CLIC4: variants seen among roughly 807,000 people sequenced by gnomAD.
CLIC4 encodes CLIC family member 4.
In CLIC4, 13 loss-of-function variants were observed where a neutral mutation model predicts 24.6. That is an observed-to-expected ratio of 0.53 (90% CI 0.34 to 0.84). The LOEUF (loss-of-function observed/expected upper bound fraction) is 0.84, where lower values mean the gene tolerates loss of function less well. CLIC4 is among the 40% of genes least tolerant of loss of function. The pLI is 0.01. For synonymous variants in CLIC4, 104 were observed against 111.3 expected (o/e 0.93, Z 0.41); for missense variants, 227 against 301.7 (o/e 0.75, Z 1.83).
At chr1:24,820,588 C>T (rs1368203486) in intron 3 of CLIC4, among the ~76,000 whole-genome samples, 1 of 152,020 alleles carries the variant, frequency 6.6e-6, no homozygotes, top group Non-Finnish European at 1.5e-5. Flanking sequence ...AAAGTGTCAG[C>T]TCAGAGGTAG....
intron 2 of CLIC4, among the ~76,000 whole-genome samples, chr1:24,799,616 G>C (rs12732565): frequency 7.2e-6 from 1 of 138,478 alleles, no homozygotes; most frequent in African/African-American, 2.9e-5. Flanking sequence ...TCAGCCCCCC[G>C]CCCGGCCAGC....
intron 1 of CLIC4, among the ~76,000 whole-genome samples, chr1:24,797,431 C>T (rs187467791): frequency 6.0e-5 from 9 of 151,158 alleles, no homozygotes; most frequent in African/African-American, 9.7e-5. Flanking sequence ...AAAAATTAGC[C>T]GGGATGGTGG....
chr1:24,811,073 T>C (rs1421244195), intron 2 of CLIC4, among the ~76,000 whole-genome samples: 2 of 59,370 alleles, frequency 3.4e-5, no homozygotes, highest in Non-Finnish European at 6.5e-5. Context: ...AGTGAGACTC[T>C]GTCTCAGGAA....
chr1:24,806,281 G>A (rs1025874690), intron 2 of CLIC4, among the ~76,000 whole-genome samples: 2 of 152,180 alleles, frequency 1.3e-5, no homozygotes, highest in Non-Finnish European at 2.9e-5. Context: ...AGGCCTGAGA[G>A]GGCAGGTGAG....
At chr1:24,820,701 A>T (rs1189495961) in intron 3 of CLIC4, among the ~76,000 whole-genome samples, 2 of 116,762 alleles carry the variant, frequency 1.7e-5, no homozygotes, top group African/African-American at 5.5e-5. Flanking sequence ...ATGGAGAAGT[A>T]GTTTGAATTA....
chr1:24,813,735 T>G (rs1478741704), intron 2 of CLIC4, among the ~76,000 whole-genome samples: 1 of 152,024 alleles, frequency 6.6e-6, no homozygotes, highest in Non-Finnish European at 1.5e-5. Flanking sequence ...TTTATTTTCT[T>G]TTTGAGACAG....
chr1:24,763,945 A>G (rs1301624936), intron 1 of CLIC4, among the ~76,000 whole-genome samples: 1 of 152,212 alleles, frequency 6.6e-6, no homozygotes, highest in African/African-American at 2.4e-5. Context: ...TGCGTCCACC[A>G]CGATATTTAG....
At chr1:24,823,654 A>G (rs1258271263) in intron 3 of CLIC4, among the ~76,000 whole-genome samples, 1 of 151,840 alleles carries the variant, frequency 6.6e-6, no homozygotes, top group Non-Finnish European at 1.5e-5. Flanking sequence ...GGCGCCTGTA[A>G]TCCCAGCGAC....
intron 1 of CLIC4, among the ~76,000 whole-genome samples, chr1:24,767,964 C>A (rs1639022692): frequency 6.6e-6 from 1 of 151,868 alleles, no homozygotes; most frequent in Admixed American, 6.6e-5. Flanking sequence ...CCTCAGCCTC[C>A]CGGGTAGCTG....
At chr1:24,784,278 C>T (rs1169878458) in intron 1 of CLIC4, among the ~76,000 whole-genome samples, 1 of 152,162 alleles carries the variant, frequency 6.6e-6, no homozygotes, top group African/African-American at 2.4e-5. Context: ...TGAACTCATT[C>T]AGTTCTCCCA....
At chr1:24,769,287 C>T (rs1000818712) in intron 1 of CLIC4, among the ~76,000 whole-genome samples, 5 of 152,168 alleles carry the variant, frequency 3.3e-5, no homozygotes, top group Non-Finnish European at 2.9e-5. Flanking sequence ...GTTTTTGTTT[C>T]CCTACTAAAG....
At chr1:24,800,563 T>C (rs1322430885) in intron 2 of CLIC4, among the ~76,000 whole-genome samples, 1 of 152,006 alleles carries the variant, frequency 6.6e-6, no homozygotes, top group African/African-American at 2.4e-5. Context: ...GTCTGGGAGG[T>C]GTGCCCAACA....
intron 1 of CLIC4, among the ~76,000 whole-genome samples, chr1:24,753,072 C>G (rs966228691): frequency 6.6e-6 from 1 of 152,102 alleles, no homozygotes; most frequent in Admixed American, 6.6e-5. Context: ...TCAGGGAGTT[C>G]TGTAAATCCT....
intron 4 of CLIC4, among the ~76,000 whole-genome samples, chr1:24,832,212 T>TAAGTGGCTTGTTTCTCTTGTCACTTCTG (rs762793913): frequency 7.9e-4 from 2 of 2,534 alleles, no homozygotes; most frequent in African/African-American, 1.3e-3. Flanking sequence ...TTTTTATTTT[T>TAAGTGGCTTGTTTCTCTTGTCACTTCTG]TTTATTTTTT....
rs540296754 is a variant in CLIC4 at position 24,788,443 on chromosome 1, C to G, written c.73-9299C>G. On this transcript the variant is annotated intron_variant, in intron 1 of 5. Coordinates refer to ENST00000374379, the MANE Select transcript of CLIC4 (RefSeq NM_013943.3). ...TTTGGACATTTCATATAAATGGTAT[C>G]ATATTCAGTTGTCCCCTGGAATCCA... Among the ~76,000 whole-genome samples the G allele has an allele frequency of 8.5e-5, 13 of 152,288 alleles. No individual in the cohort carries two copies. In the South Asian group the frequency reaches 2.3e-3, roughly 27 times the overall value.
In CLIC4 at chr1:24,792,864, C is replaced by T. The variant is rs77467396; in HGVS notation, c.73-4878C>T. 2.0e-3 allele frequency among the ~76,000 whole-genome samples: 310 copies of T among 152,290 alleles called. 9 individuals carry two copies. The East Asian group carries it at 0.047, about 23-fold the overall frequency. On this transcript the variant is annotated intron_variant, in intron 1 of 5. Coordinates refer to ENST00000374379, the MANE Select transcript of CLIC4 (RefSeq NM_013943.3). ...CCTGACCAGGTCTTCATGAACTGTTCCGTATTCTGAGATTCTTTTGCCCAT... is the reference window on the plus strand; with the variant it reads ...CCTGACCAGGTCTTCATGAACTGTTTCGTATTCTGAGATTCTTTTGCCCAT...
intron 3 of CLIC4, among the ~76,000 whole-genome samples, chr1:24,823,205 A>G (rs1358136600): frequency 2.0e-5 from 3 of 152,214 alleles, no homozygotes; most frequent in Non-Finnish European, 4.4e-5. Flanking sequence ...TTGAGAGGCT[A>G]ATGAAAAGCT....
Position 24,751,207 on chromosome 1 carries a change from CTT to C in CLIC4, c.72+5601_72+5602del, listed in dbSNP as rs563478354. On this transcript the variant is annotated intron_variant, in intron 1 of 5. Transcript: ENST00000374379. The stretch of plus-strand genomic sequence containing the variant: ...TTTTTCTCCATTTAATACTTCCAGT[CTT>C]TTTTTTTTTTTTTTTTTTGAGATGG... 6.6e-3 allele frequency among the ~76,000 whole-genome samples: 718 copies of C among 108,872 alleles called. 4 individuals carry two copies. The highest frequency in any genetic ancestry group is 0.017 in the Middle Eastern group (4 of 236). The allele number at this position is 108,872 out of a possible 152,430, so 71.4% of individuals were successfully genotyped here.
At chr1:24,812,005 T>G (rs1486099763) in intron 2 of CLIC4, among the ~76,000 whole-genome samples, 1 of 152,170 alleles carries the variant, frequency 6.6e-6, no homozygotes, top group African/African-American at 2.4e-5. Flanking sequence ...TTTGTGGTGT[T>G]TTCAATTTTT....
Sources: allele counts gnomAD v4.1 joint callset (sites outside exome capture counted in the v4.1 genomes callset), GRCh38; gene constraint gnomAD v4.1.1; transcripts MANE v1.5; gene names NCBI Gene and HGNC (gene_info 2026-07-23, HGNC 2026-07-21).